Variants in CTNND1 observed in about 807,000 individuals in gnomAD.
The protein encoded by CTNND1 is catenin delta-1.
A neutral mutation model predicts 112.1 loss-of-function variants in CTNND1; 16 were observed. That is an observed-to-expected ratio of 0.14 (90% CI 0.10 to 0.22). CTNND1 has a LOEUF of 0.22. Ranked by LOEUF, CTNND1 falls within the 10% of genes least tolerant of loss-of-function variation. The pLI is 1.00. For missense variants in CTNND1, 1,008 were observed against 1,257.0 expected (o/e 0.80, Z 3.00); for synonymous variants, 420 against 446.5 (o/e 0.94, Z 0.75).
At position 57,806,988 on chromosome 11, in the gene CTNND1, G is replaced by A. The variant is rs1368313623; in HGVS notation, c.1963+5G>A. ...AAAGAACGAGTCCAGCTCGAGGTAA[G>A]TTATCTTCTCAGTCTCCAAAGGTCT... On this transcript the variant is annotated splice_donor_5th_base_variant and intron_variant, in intron 12 of 20. Coordinates refer to ENST00000399050, the MANE Select transcript of CTNND1 (RefSeq NM_001085458.2). 6.3e-7 allele frequency: 1 copy of A among 1,590,952 alleles called. No individual in the cohort carries two copies. The highest frequency in any genetic ancestry group is 8.6e-7 in the Non-Finnish European group (1 of 1,167,364).
chr11:57,789,564 A>G (rs1041416373), intron 2 of CTNND1, among the ~76,000 whole-genome samples: 1 of 152,234 alleles, frequency 6.6e-6, no homozygotes, highest in Non-Finnish European at 1.5e-5. Flanking sequence ...AAGATAGTCT[A>G]TTTAAAACAA....
At chr11:57,773,843 G>A (rs1398049834) in intron 1 of CTNND1, among the ~76,000 whole-genome samples, 5 of 151,986 alleles carry the variant, frequency 3.3e-5, no homozygotes, top group Admixed American at 3.3e-4. Flanking sequence ...TCAGGAGGCC[G>A]AGGCAGGAGA....
rs1449866974 is a variant in CTNND1 at position 57,808,529 on chromosome 11, A to G, written c.2231A>G (p.Lys744Arg). ...LRNLAVDARN[K>R]ELIGKHAIPN... ...AACCTGGCTGTGGATGCTCGCAACA[A>G]AGAATTAATTGGTGAGGAGTTGAAT... The change falls in exon 14 of 21, where the codon AAA becomes AGA. Residue 744 changes from lysine (K) to arginine (R), a missense_variant. Around this residue, in one of 5 missense-constraint regions of CTNND1, gnomAD observed 254 missense variants for 279.5 expected, o/e 0.91. Transcript: ENST00000399050. The G allele has an allele frequency of 1.9e-6, 3 of 1,601,264 alleles. No homozygotes were observed. Among genetic ancestry groups the G allele is most frequent in the African/African-American group, 1.3e-5 (1 of 74,198 alleles).
At position 57,808,501 on chromosome 11, in the gene CTNND1, A is replaced by G. The variant is rs775287236; in HGVS notation, c.2203A>G (p.Arg735Gly). Residue 735 changes from arginine to glycine, a missense_variant, in exon 14 of 21, where the codon AGA (arginine) becomes GGA (glycine). By Grantham distance (125) the Arg-to-Gly change is moderately radical. This residue lies in a region of CTNND1 where 254 missense variants were observed against 279.5 expected (regional missense o/e 0.91). Transcript: ENST00000399050. ...RVVKAASGAL[R>G]NLAVDARNKE... Reference sequence around the variant, plus strand: ...GGTGAAAGCTGCATCTGGAGCACTGAGAAACCTGGCTGTGGATGCTCGCAA... The same window carrying G: ...GGTGAAAGCTGCATCTGGAGCACTGGGAAACCTGGCTGTGGATGCTCGCAA... 1 of 1,610,754 alleles carries G rather than the reference A, an allele frequency of 6.2e-7. No individual in the cohort carries two copies. The highest frequency in any genetic ancestry group is 1.1e-5 in the South Asian group (1 of 90,370).
rs141424951 is a variant in CTNND1, at chr11:57,792,540, T to C, written c.195+867T>C. Reference sequence around the variant, plus strand: ...CAGAACAGTACTCATGCCCTGATAGTCCTTTTCATTGAGTAATTTTTATTT... The same window carrying C: ...CAGAACAGTACTCATGCCCTGATAGCCCTTTTCATTGAGTAATTTTTATTT... On this transcript the variant is annotated intron_variant, in intron 3 of 20. Coordinates refer to ENST00000399050, the MANE Select transcript of CTNND1 (RefSeq NM_001085458.2). Among the ~76,000 whole-genome samples, 1,315 of 152,304 alleles carry C rather than the reference T, an allele frequency of 8.6e-3. 26 individuals are homozygous for C. Among genetic ancestry groups the C allele is most frequent in the African/African-American group, 0.029 (1,217 of 41,554 alleles).
In CTNND1 at chr11:57,794,083, T is replaced by C. The variant is rs764955659; in HGVS notation, c.267+2T>C. ...GATTTGAAACTCAACGGACCCCAGG[T>C]AATTCTTTGGCTCAAGACCTGGGTT... On this transcript the variant is annotated splice_donor_variant, in intron 4 of 20. Transcript: ENST00000399050. LOFTEE classifies it high-confidence loss of function. 3.7e-6 allele frequency: 6 copies of C among 1,613,830 alleles called. No individual in the cohort carries two copies. The highest frequency in any genetic ancestry group is 5.1e-6 in the Non-Finnish European group (6 of 1,179,720).
chr11:57,763,588 A>G (rs543753837), intron 1 of CTNND1, among the ~76,000 whole-genome samples: 1 of 152,242 alleles, frequency 6.6e-6, no homozygotes, highest in Non-Finnish European at 1.5e-5. Context: ...TCTGAATCTC[A>G]TAATTATAAC....
At chr11:57,802,617 A>T (rs2062124877) in intron 7 of CTNND1, among the ~76,000 whole-genome samples, 1 of 152,138 alleles carries the variant, frequency 6.6e-6, no homozygotes, top group African/African-American at 2.4e-5. Flanking sequence ...CTATTTTTTC[A>T]CATGCTTGTA....
chr11:57,800,949 T>A (rs2061958078), intron 6 of CTNND1, among the ~76,000 whole-genome samples: 1 of 152,238 alleles, frequency 6.6e-6, no homozygotes, highest in Non-Finnish European at 1.5e-5. Context: ...CTGTTCCTAG[T>A]GGCTGGGCTT....
At chr11:57,789,775 G>C (rs2136605698) in intron 2 of CTNND1, among the ~76,000 whole-genome samples, 1 of 152,334 alleles carries the variant, frequency 6.6e-6, no homozygotes, top group South Asian at 2.1e-4. Flanking sequence ...GCGGGCCAAG[G>C]GTTGGACAAG....
rs761005151 is a variant in CTNND1, at chr11:57,796,736, G to A, written c.700G>A (p.Val234Met). The change falls in exon 6 of 21, where the codon GTG becomes ATG. Residue 234 changes from valine to methionine, a missense_variant. Physicochemically the swap from Val to Met is conservative, Grantham distance 21. This residue lies in a region of CTNND1 where 404 missense variants were observed against 457.9 expected (regional missense o/e 0.88). Coordinates refer to ENST00000399050, the MANE Select transcript of CTNND1 (RefSeq NM_001085458.2). ...TGATAACTATGGCAGTCTGTCCCGG[G>A]TGACCCGCATTGAGGAGCGGTATAG... ...GSDNYGSLSR[V>M]TRIEERYRPS... is the part of the protein sequence containing the mutation. The A allele has an allele frequency of 1.9e-6, 3 of 1,613,810 alleles. No individual in the cohort carries two copies. Among genetic ancestry groups the A allele is most frequent in the East Asian group, 4.5e-5 (2 of 44,896 alleles).
intron 1 of CTNND1, among the ~76,000 whole-genome samples, chr11:57,763,420 A>T (rs760302752): frequency 9.9e-5 from 15 of 152,162 alleles, no homozygotes; most frequent in Non-Finnish European, 1.8e-4. Flanking sequence ...CCTGCCACAA[A>T]TTTTTTTAAG....
chr11:57,772,351 A>T (rs910424294), intron 1 of CTNND1, among the ~76,000 whole-genome samples: 8 of 152,052 alleles, frequency 5.3e-5, no homozygotes, highest in African/African-American at 1.9e-4. Flanking sequence ...TGAGGACAAA[A>T]TTTATTGGTT....
In CTNND1 at chr11:57,818,265, C is replaced by G. The variant is rs1200076023; in HGVS notation, c.*1957C>G. ...TTTTGGGGACCTTTAACTTTTTTTT[C>G]TCTCTTTTGTTTATAAAAAACACTA... On this transcript the variant is annotated 3_prime_UTR_variant, in exon 21 of 21. Transcript: ENST00000399050. 6.6e-6 allele frequency: 1 copy of G among 151,880 alleles called. No homozygotes were observed. The highest frequency in any genetic ancestry group is 1.5e-5 in the Non-Finnish European group (1 of 67,884). The allele number at this position is 151,880 out of a possible 1,614,324, so 9.4% of individuals were successfully genotyped here.
chr11:57,810,451 C>T lies in CTNND1; in HGVS notation c.2550+228C>T, dbSNP rs555888161. Reference sequence around the variant, plus strand: ...TCAAGTGATTCTTGTGCCTCAGCCTCCCCAGTAGCTGGGACTACAGGCACA... The same window carrying T: ...TCAAGTGATTCTTGTGCCTCAGCCTTCCCAGTAGCTGGGACTACAGGCACA... On this transcript the variant is annotated intron_variant, in intron 16 of 20. Transcript: ENST00000399050. Among the ~76,000 whole-genome samples, 6 of 152,068 alleles carry T rather than the reference C, an allele frequency of 3.9e-5. 1 individual carries two copies. The South Asian group carries it at 1.2e-3, about 32-fold the overall frequency.
intron 9 of CTNND1, 102 bp downstream of exon 9, chr11:57,804,882 T>C (rs2062453510): frequency 2.4e-6 from 2 of 822,262 alleles, no homozygotes; most frequent in Non-Finnish European, 3.9e-6. Flanking sequence ...TCAAGTAACA[T>C]TAAATATTTA....
intron 17 of CTNND1, among the ~76,000 whole-genome samples, chr11:57,812,885 A>G (rs1336092304): frequency 1.3e-5 from 2 of 152,240 alleles, no homozygotes; most frequent in Non-Finnish European, 2.9e-5. Flanking sequence ...AGATGTGCGC[A>G]TTTGGCAGAC....
Position 57,807,156 on chromosome 11 carries a change from T to A in CTNND1, c.1963+173T>A, listed in dbSNP as rs11229138. ...AGCTGCATAGTATTATAGCAGTAAC[T>A]TAAAAAGGACTGCTTGTTAAGGCAG... On this transcript the variant is annotated intron_variant, in intron 12 of 20. Coordinates refer to ENST00000399050, the MANE Select transcript of CTNND1 (RefSeq NM_001085458.2). 7.6e-3 allele frequency among the ~76,000 whole-genome samples: 1,157 copies of A among 152,330 alleles called. 24 individuals carry two copies. The highest frequency in any genetic ancestry group is 0.026 in the African/African-American group (1,101 of 41,578).
intron 1 of CTNND1, among the ~76,000 whole-genome samples, chr11:57,778,997 C>T (rs1337496019): frequency 6.6e-6 from 1 of 152,180 alleles, no homozygotes; most frequent in Non-Finnish European, 1.5e-5. Context: ...TGGTCCTGAT[C>T]TCTTAGCACT....
Sources: gnomAD v4.1 joint callset for allele counts (sites outside exome capture counted in the v4.1 genomes callset) on GRCh38, gnomAD v4.1.1 for gene constraint, gnomAD v4.1.1 regional missense constraint, MANE v1.5 for transcripts, NCBI Gene and HGNC (gene_info 2026-07-23, HGNC 2026-07-21) for gene names.